SLIT1: variants seen among roughly 807,000 people sequenced by gnomAD.
SLIT1 encodes the protein slit homolog 1 protein.
Under a neutral mutation model 186.1 loss-of-function variants are expected in SLIT1, and 66 were observed. That is an observed-to-expected ratio of 0.35 (90% CI 0.29 to 0.44). The LOEUF is 0.44. Among genes scored for constraint, SLIT1 ranks in the 20% least tolerant of loss-of-function variants. SLIT1 has a pLI of 1.00. For synonymous variants in SLIT1, 761 were observed against 833.8 expected (o/e 0.91, Z 1.50); for missense variants, 1,638 against 2,037.4 (o/e 0.80, Z 3.77).
rs1199703153 is a variant in SLIT1, at chr10:97,049,591, TGGTTTGTGCCCTTTCCTTCAGACTCA to T, written c.1302-499_1302-474del. 9.2e-5 allele frequency among the ~76,000 whole-genome samples: 14 copies of T among 152,246 alleles called. No homozygotes were observed. The East Asian group carries it at 2.7e-3, about 29-fold the overall frequency. On this transcript the variant is annotated intron_variant, in intron 13 of 36. Transcript: ENST00000266058. Reference sequence around the variant, plus strand: ...GACCCTCCCCAGTGGCCATGGGCCCTGGTTTGTGCCCTTTCCTTCAGACTCAGGTAGCAGCCTGTCTCCTATAGAGA... The same window carrying T: ...GACCCTCCCCAGTGGCCATGGGCCCTGGTAGCAGCCTGTCTCCTATAGAGA...
rs112336552 is a variant in SLIT1, at chr10:97,132,474, C to T, written c.413+25344G>A. On this transcript the variant is annotated intron_variant, in intron 4 of 36. Transcript: ENST00000266058. ...CTGCCCCCATGCAACAGGTGCCTGTCCACAGTCCAATGGCCAAGACCTGGT... is the reference window on the plus strand; with the variant it reads ...CTGCCCCCATGCAACAGGTGCCTGTTCACAGTCCAATGGCCAAGACCTGGT... Among the ~76,000 whole-genome samples, 1,480 of 152,324 alleles carry T rather than the reference C, an allele frequency of 9.7e-3. 23 individuals are homozygous for T. Among genetic ancestry groups the T allele is most frequent in the African/African-American group, 0.032 (1,335 of 41,560 alleles).
rs774963313 is a variant in SLIT1, at chr10:97,043,463, C to T, written c.1904G>A (p.Gly635Asp). 1.6e-5 allele frequency: 26 copies of T among 1,613,826 alleles called. No individual in the cohort carries two copies. Among genetic ancestry groups the T allele is most frequent in the South Asian group, 3.3e-5 (3 of 91,070 alleles). ...ISCIHNDSFT[G>D]LRNVRLLSLY... ...CGAGAGGAGCCGGACGTTGCGCAGG[C>T]CCGTGAAGCTGTCGTTGTGGATGCA... The change falls in exon 19 of 37, where the codon GGC becomes GAC. Residue 635 changes from glycine to aspartate, a missense_variant. Coordinates refer to ENST00000266058, the MANE Select transcript of SLIT1 (RefSeq NM_003061.3). The surrounding 1 kb of genome is among the most constrained non-coding windows in gnomAD (Gnocchi z 7.0).
intron 26 of SLIT1, among the ~76,000 whole-genome samples, chr10:97,020,697 G>A (rs1193635003): frequency 4.6e-5 from 7 of 152,370 alleles, no homozygotes; most frequent in Admixed American, 1.3e-4. Context: ...CGGCCCCGGC[G>A]GCCACTCAGC....
intron 21 of SLIT1, among the ~76,000 whole-genome samples, chr10:97,039,166 T>C (rs560646152): frequency 1.3e-5 from 2 of 151,184 alleles, no homozygotes; most frequent in South Asian, 4.2e-4. Flanking sequence ...GTCCTGGGGG[T>C]GGGGGGAGAA....
At chr10:97,031,777 C>T (rs1848593609) in intron 23 of SLIT1, 100 bp from the exon 24 acceptor site, 2 of 891,556 alleles carry the variant, frequency 2.2e-6, no homozygotes, top group African/African-American at 1.7e-5. Context: ...ACCCAGCAGC[C>T]TCCTCGGGCT....
intron 4 of SLIT1, among the ~76,000 whole-genome samples, chr10:97,141,569 C>CT (rs2134703614): frequency 6.6e-6 from 1 of 152,330 alleles, no homozygotes; most frequent in South Asian, 2.1e-4. Flanking sequence ...CAGGACTGCC[C>CT]TCCCCTGGAG....
At chr10:97,148,511 C>G (rs1849841711) in intron 4 of SLIT1, among the ~76,000 whole-genome samples, 1 of 151,710 alleles carries the variant, frequency 6.6e-6, no homozygotes, top group East Asian at 1.9e-4. Flanking sequence ...AACTCCTGGC[C>G]ACAAGCAATT....
At position 97,097,154 on chromosome 10, in the gene SLIT1, A is replaced by G. The variant is rs182823347; in HGVS notation, c.414-31068T>C. On this transcript the variant is annotated intron_variant, in intron 4 of 36. Coordinates refer to ENST00000266058, the MANE Select transcript of SLIT1 (RefSeq NM_003061.3). The stretch of plus-strand genomic sequence containing the variant: ...ACCCAAGCGCCTCCACGTCCTGCAC[A>G]CACACTCCTGCGTCTAACACTGCAA... Among the ~76,000 whole-genome samples the G allele has an allele frequency of 1.3e-3, 194 of 152,320 alleles. 1 individual carries two copies. Among genetic ancestry groups the G allele is most frequent in the Middle Eastern group, 3.4e-3 (1 of 294 alleles).
At chr10:97,044,960 T>C (rs1848722354) in intron 18 of SLIT1, among the ~76,000 whole-genome samples, 1 of 152,208 alleles carries the variant, frequency 6.6e-6, no homozygotes, top group Admixed American at 6.5e-5. Context: ...CCCTCATGAA[T>C]GGAGTTAGTG....
In SLIT1 at chr10:97,019,052, G is replaced by A; in HGVS notation, c.2802C>T (p.Cys934=). 20 of 1,613,966 alleles carry A rather than the reference G, an allele frequency of 1.2e-5. No individual in the cohort carries two copies. Among genetic ancestry groups the A allele is most frequent in the Non-Finnish European group, 1.7e-5 (20 of 1,179,952 alleles). ...AKCDLCLSSP[C]QNQGTCHNDP... is the part of the protein sequence containing the mutation. ...CGTTGTGGCAGGTGCCCTGGTTCTG[G>A]CACGGACTGGACAAGCAGAGATCAC... The change falls in exon 27 of 37, where the codon TGC becomes TGT. Residue 934 remains cysteine (C), a synonymous_variant. Transcript: ENST00000266058.
At position 97,185,956 on chromosome 10, in the gene SLIT1, G is replaced by A. The variant is rs534626942; in HGVS notation, c.-282C>T. ...TCCAGCTCCCAACTGACTGCTGCGA[G>A]GAGGAAAATGGGCAGGCCCCGCGCG... On this transcript the variant is annotated 5_prime_UTR_variant, in exon 1 of 37. Transcript: ENST00000266058. The A allele has an allele frequency of 8.7e-5, 40 of 462,236 alleles. No homozygotes were observed. The highest frequency in any genetic ancestry group is 1.2e-4 in the East Asian group (3 of 25,936). The allele number at this position is 462,236 out of a possible 1,614,324, so 28.6% of individuals were successfully genotyped here.
In SLIT1 at chr10:97,184,738, T is replaced by C. The variant is rs989865613; in HGVS notation, c.197+740A>G. ...CAATATCTTTAACCTTGGGCCCCCC[T>C]CTCCAAGCTCCTGACTTCTTGGCAT... On this transcript the variant is annotated intron_variant, in intron 1 of 36. Transcript: ENST00000266058. This position sits in a 1 kb window ranked among gnomAD's most constrained non-coding sequence, Gnocchi z 4.4. Among the ~76,000 whole-genome samples, 2 of 152,138 alleles carry C rather than the reference T, an allele frequency of 1.3e-5. No homozygotes were observed. Among genetic ancestry groups the C allele is most frequent in the African/African-American group, 4.8e-5 (2 of 41,430 alleles).
chr10:97,081,108 T>A (rs1199379967), intron 4 of SLIT1, among the ~76,000 whole-genome samples: 1 of 152,184 alleles, frequency 6.6e-6, no homozygotes, highest in African/African-American at 2.4e-5. Flanking sequence ...AGGGGCAGAC[T>A]CTTTGGGTTC....
chr10:97,034,219 T>C (rs568236806), intron 23 of SLIT1, among the ~76,000 whole-genome samples: 12 of 152,386 alleles, frequency 7.9e-5, no homozygotes, highest in Admixed American at 1.3e-4. Flanking sequence ...TTATGATTAT[T>C]TGTGAAACTG....
Position 97,043,458 on chromosome 10 carries a change from G to A in SLIT1, c.1909C>T (p.Arg637Cys), listed in dbSNP as rs759345991. The change falls in exon 19 of 37, where the codon CGC becomes TGC. Residue 637 changes from arginine to cysteine, a missense_variant. Physicochemically the swap from Arg to Cys is radical, Grantham distance 180. Around this residue, in one of 3 missense-constraint regions of SLIT1, gnomAD observed 1,245 missense variants for 1,535.3 expected, o/e 0.81. Coordinates refer to ENST00000266058, the MANE Select transcript of SLIT1 (RefSeq NM_003061.3). The surrounding 1 kb of genome is among the most constrained non-coding windows in gnomAD (Gnocchi z 7.0). Reference protein sequence around the residue: ...CIHNDSFTGLRNVRLLSLYDN... With the variant: ...CIHNDSFTGLCNVRLLSLYDN... ...TAGAGCGAGAGGAGCCGGACGTTGC[G>A]CAGGCCCGTGAAGCTGTCGTTGTGG... The A allele has an allele frequency of 3.7e-6, 6 of 1,613,790 alleles. No individual in the cohort carries two copies. The highest frequency in any genetic ancestry group is 3.3e-5 in the Admixed American group (2 of 60,004).
intron 4 of SLIT1, among the ~76,000 whole-genome samples, chr10:97,107,700 G>A (rs1849427368): frequency 6.6e-6 from 1 of 152,162 alleles, no homozygotes; most frequent in Non-Finnish European, 1.5e-5. Context: ...CTGCCTTGCT[G>A]AGGCCCTGCC....
chr10:97,143,510 A>C (rs1020293301), intron 4 of SLIT1, among the ~76,000 whole-genome samples: 4 of 152,248 alleles, frequency 2.6e-5, no homozygotes, highest in African/African-American at 9.6e-5. Context: ...GTTTTGCAAA[A>C]TGACAAAGTT....
chr10:97,135,624 T>C (rs1325550336), intron 4 of SLIT1, among the ~76,000 whole-genome samples: 1 of 152,156 alleles, frequency 6.6e-6, no homozygotes, highest in African/African-American at 2.4e-5. Flanking sequence ...CCCAGGGGGC[T>C]GCAGTGAGTA....
At position 97,000,988 on chromosome 10, in the gene SLIT1, G is replaced by T; in HGVS notation, c.*124C>A. 1.4e-6 allele frequency: 1 copy of T among 727,090 alleles called. No homozygotes were observed. Among genetic ancestry groups the T allele is most frequent in the Non-Finnish European group, 2.3e-6 (1 of 442,350 alleles). 45.0% of individuals were successfully genotyped at this position (727,090 alleles called of 1,614,324 possible). On this transcript the variant is annotated 3_prime_UTR_variant, in exon 37 of 37. Coordinates refer to ENST00000266058, the MANE Select transcript of SLIT1 (RefSeq NM_003061.3). The stretch of plus-strand genomic sequence containing the variant: ...GCTCTGGCACCACCCCACCCAGGAG[G>T]GCCCAGCTGCCCAGGAGCCGTCCTG...
Sources: gnomAD v4.1 joint callset for allele counts (sites outside exome capture counted in the v4.1 genomes callset) on GRCh38, gnomAD v4.1.1 for gene constraint, gnomAD v4.1.1 regional missense constraint, Gnocchi (gnomAD v3.1) non-coding constraint, MANE v1.5 for transcripts, NCBI Gene and HGNC (gene_info 2026-07-23, HGNC 2026-07-21) for gene names.